The following ZC3H12B variants were observed in gnomAD, a reference collection of about 807,000 sequenced individuals.
ZC3H12B encodes the protein probable ribonuclease ZC3H12B.
In ZC3H12B, 7 loss-of-function variants were observed where a neutral mutation model predicts 43.9. The observed-to-expected ratio is 0.16, with a 90% CI of 0.09 to 0.30. The LOEUF (loss-of-function observed/expected upper bound fraction) is 0.30, where lower values mean the gene tolerates loss of function less well. ZC3H12B is among the 10% of genes least tolerant of loss of function. ZC3H12B has a pLI of 1.00. For synonymous variants in ZC3H12B, 222 were observed against 241.7 expected, an observed-to-expected ratio of 0.92 and a Z score of 0.76; for missense variants, 475 against 670.2, an observed-to-expected ratio of 0.71 and a Z score of 3.22.
At chrX:65,496,403 C>G (rs776800561) in intron 1 of ZC3H12B, among the ~76,000 whole-genome samples, 1 of 111,835 alleles carries the variant, frequency 8.9e-6, no homozygotes, top group Non-Finnish European at 1.9e-5. Context: ...CTTTAAACCT[C>G]TGGTAATACC....
chrX:65,456,736 A>T (rs1325804444), intron 3 of ZC3H12B, among the ~76,000 whole-genome samples: 2 of 107,695 alleles, frequency 1.9e-5, no homozygotes, highest in East Asian at 5.9e-4. Context: ...AGTCTCGTTC[A>T]CTCAGTGCTC....
intron 2 of ZC3H12B, among the ~76,000 whole-genome samples, chrX:65,373,983 AC>A (rs1452226793): frequency 0.22 from 2,409 of 10,986 alleles, 585 homozygotes; most frequent in African/African-American, 0.61. Context: ...ATATATATAT[AC>A]TATATATATA....
intron 3 of ZC3H12B, among the ~76,000 whole-genome samples, chrX:65,427,882 T>A (rs1438457591): frequency 8.9e-6 from 1 of 111,996 alleles, no homozygotes; most frequent in Non-Finnish European, 1.9e-5. Context: ...TACTTCAGTG[T>A]GTTTTTGTAG....
chrX:65,355,078 CA>C, the ZC3H12B span, among the ~76,000 whole-genome samples: 1 of 111,868 alleles, frequency 8.9e-6, no homozygotes, highest in African/African-American at 3.2e-5. Context: ...CCTAGCAAGA[CA>C]GGCCAACATT....
the ZC3H12B span, among the ~76,000 whole-genome samples, chrX:65,132,770 A>C: frequency 9.0e-6 from 1 of 111,424 alleles, no homozygotes; most frequent in Non-Finnish European, 1.9e-5. Flanking sequence ...GCCCTTGAAA[A>C]GAAGGTAATG....
At chrX:65,123,850 A>T in the ZC3H12B span, among the ~76,000 whole-genome samples, 5 of 109,474 alleles carry the variant, frequency 4.6e-5, no homozygotes, top group African/African-American at 1.7e-4. Context: ...TTTATACTGA[A>T]TCTTCACTGA....
exon 5 of ZC3H12B, chrX:65,502,825 C>G (rs771191242): frequency 8.3e-7 from 1 of 1,210,749 alleles, no homozygotes; most frequent in Admixed American, 2.2e-5. Flanking sequence ...ACTCCCGCCT[C>G]TATGAGAGCA....
the ZC3H12B span, among the ~76,000 whole-genome samples, chrX:65,142,639 G>T: frequency 8.9e-6 from 1 of 112,493 alleles, no homozygotes; most frequent in Non-Finnish European, 1.9e-5. Context: ...TGAGGTCTTA[G>T]ATTTAAGTCC....
chrX:65,164,608 G>A, the ZC3H12B span, among the ~76,000 whole-genome samples: 3 of 111,957 alleles, frequency 2.7e-5, no homozygotes, highest in Non-Finnish European at 5.6e-5. Flanking sequence ...AATGCCTCTT[G>A]TAGTTAGCTT....
At chrX:65,380,878 G>A (rs1190164334) in intron 2 of ZC3H12B, among the ~76,000 whole-genome samples, 1 of 111,818 alleles carries the variant, frequency 8.9e-6, no homozygotes, top group Non-Finnish European at 1.9e-5. Flanking sequence ...TAATGGTAAA[G>A]GGATCAATTC....
At chrX:65,045,113 T>A in the ZC3H12B span, among the ~76,000 whole-genome samples, 1 of 112,147 alleles carries the variant, frequency 8.9e-6, no homozygotes, top group African/African-American at 3.2e-5. Flanking sequence ...TGTCGGTGAG[T>A]TGTAATCCTT....
intron 3 of ZC3H12B, among the ~76,000 whole-genome samples, chrX:65,402,660 G>A (rs2066777529): frequency 1.8e-5 from 2 of 111,829 alleles, no homozygotes; most frequent in African/African-American, 3.3e-5. Context: ...GAAAATAAGG[G>A]GAAAGAGCAA....
the ZC3H12B span, among the ~76,000 whole-genome samples, chrX:65,127,298 G>T: frequency 2.2e-4 from 25 of 111,922 alleles, no homozygotes; most frequent in East Asian, 6.3e-3. Flanking sequence ...CAGCAGAGCT[G>T]CCAGACTCCA....
chrX:65,309,683 C>T, the ZC3H12B span, among the ~76,000 whole-genome samples: 1 of 111,816 alleles, frequency 8.9e-6, no homozygotes, highest in Non-Finnish European at 1.9e-5. Context: ...CTAGCAGAGA[C>T]ACAACGAAAA....
chrX:65,335,296 A>T, the ZC3H12B span, among the ~76,000 whole-genome samples: 1 of 111,332 alleles, frequency 9.0e-6, no homozygotes, highest in Non-Finnish European at 1.9e-5. Context: ...TAGAGCTCGT[A>T]TATCCACTTT....
chrX:65,213,955 A>G, the ZC3H12B span, among the ~76,000 whole-genome samples: 1 of 110,474 alleles, frequency 9.1e-6, no homozygotes, highest in Non-Finnish European at 1.9e-5. Context: ...ATATATAACA[A>G]GTCACATGAA....
chrX:65,197,478 A>T, the ZC3H12B span, among the ~76,000 whole-genome samples: 4 of 112,287 alleles, frequency 3.6e-5, no homozygotes, highest in South Asian at 1.5e-3. Flanking sequence ...AATTTAAGTA[A>T]AACAACCTCT....
intron 3 of ZC3H12B, among the ~76,000 whole-genome samples, chrX:65,443,035 G>A (rs1030032795): frequency 9.0e-6 from 1 of 111,328 alleles, no homozygotes; most frequent in Non-Finnish European, 1.9e-5. Context: ...GTGCAGAAGG[G>A]TAGGGATGAA....
At chrX:65,345,852 A>G in the ZC3H12B span, among the ~76,000 whole-genome samples, 1 of 112,116 alleles carries the variant, frequency 8.9e-6, no homozygotes, top group Admixed American at 9.5e-5. Flanking sequence ...AGCCAAATCA[A>G]GAATGTGTTT....
Sources: gnomAD v4.1 joint callset for allele counts (sites outside exome capture counted in the v4.1 genomes callset) on GRCh38, gnomAD v4.1.1 for gene constraint, MANE v1.5 for transcripts, NCBI Gene and HGNC (gene_info 2026-07-23, HGNC 2026-07-21) for gene names.